GALNT13: variants seen among roughly 807,000 people sequenced by gnomAD.
The protein encoded by GALNT13 is polypeptide N-acetylgalactosaminyltransferase 13.
GALNT13 carries 28 observed loss-of-function variants against 64.2 expected under a neutral mutation model. The observed-to-expected ratio is 0.44, with a 90% CI of 0.32 to 0.60. The LOEUF is 0.60. Ranked by LOEUF, GALNT13 falls within the 20% of genes least tolerant of loss-of-function variation. The pLI, the probability that GALNT13 is intolerant of heterozygous loss-of-function variation, is 0.05. For missense variants in GALNT13, 577 were observed against 669.8 expected (o/e 0.86, Z 1.53); for synonymous variants, 214 against 224.6 (o/e 0.95, Z 0.42).
chr2:153,980,568 A>G (rs6761233), intron 3 of GALNT13, among the ~76,000 whole-genome samples: 59,322 of 151,986 alleles, frequency 0.39, 14,624 homozygotes, highest in Non-Finnish European at 0.55. Flanking sequence ...TTGCTAAGAA[A>G]ATGAGTTTAG....
chr2:154,007,245 G>T (rs1161764639), intron 3 of GALNT13, among the ~76,000 whole-genome samples: 5 of 149,240 alleles, frequency 3.4e-5, no homozygotes, highest in South Asian at 2.1e-4. Flanking sequence ...CAAGAAAACA[G>T]GGACTTCATT....
chr2:153,346,393 C>T, the GALNT13 span, among the ~76,000 whole-genome samples: 1 of 152,188 alleles, frequency 6.6e-6, no homozygotes, highest in Non-Finnish European at 1.5e-5. Flanking sequence ...GTCTTCTAAT[C>T]ATAGATAATG....
At chr2:153,082,624 C>T in the GALNT13 span, among the ~76,000 whole-genome samples, 511 of 28,310 alleles carry the variant, frequency 0.018, 7 homozygotes, top group African/African-American at 0.028. Flanking sequence ...TATATACACA[C>T]ACACACACAC....
the GALNT13 span, among the ~76,000 whole-genome samples, chr2:153,519,120 T>C: frequency 2.0e-5 from 3 of 152,208 alleles, no homozygotes; most frequent in Non-Finnish European, 4.4e-5. Context: ...GAAACCCCTT[T>C]AGCTTAACTT....
chr2:153,222,352 A>T, the GALNT13 span, among the ~76,000 whole-genome samples: 1 of 24,218 alleles, frequency 4.1e-5, no homozygotes, highest in Non-Finnish European at 7.6e-5. Context: ...GGTTGGGCTT[A>T]TAGGCTTAGA....
chr2:153,136,392 A>G, the GALNT13 span, among the ~76,000 whole-genome samples: 1 of 152,074 alleles, frequency 6.6e-6, no homozygotes, highest in Non-Finnish European at 1.5e-5. Context: ...CAATGAAGAT[A>G]CTGCCTTGTG....
At chr2:154,374,315 GT>G (rs1164790676) in intron 9 of GALNT13, among the ~76,000 whole-genome samples, 2 of 152,146 alleles carry the variant, frequency 1.3e-5, no homozygotes, top group African/African-American at 4.8e-5. Context: ...TGTGGTAGTT[GT>G]TGTTTTTCAA....
chr2:153,209,026 T>G, the GALNT13 span, among the ~76,000 whole-genome samples: 1 of 130,996 alleles, frequency 7.6e-6, no homozygotes, highest in Non-Finnish European at 1.6e-5. Flanking sequence ...TCACCCAGGC[T>G]GGAGTGCAGT....
chr2:154,358,381 A>C (rs1274015077), intron 9 of GALNT13, among the ~76,000 whole-genome samples: 1 of 152,074 alleles, frequency 6.6e-6, no homozygotes, highest in Non-Finnish European at 1.5e-5. Flanking sequence ...ACTCATACTA[A>C]ATGCTCTGGC....
intron 3 of GALNT13, among the ~76,000 whole-genome samples, chr2:153,984,394 A>G (rs549832030): frequency 6.6e-6 from 1 of 151,988 alleles, no homozygotes; most frequent in East Asian, 1.9e-4. Context: ...ACTGTAGTAT[A>G]CTAAAGGTAT....
At chr2:153,289,712 T>C in the GALNT13 span, among the ~76,000 whole-genome samples, 1 of 152,322 alleles carries the variant, frequency 6.6e-6, no homozygotes, top group African/African-American at 2.4e-5. Flanking sequence ...AGAGGTTACA[T>C]CTCAAGTAAC....
the GALNT13 span, among the ~76,000 whole-genome samples, chr2:153,307,060 A>G: frequency 1.3e-5 from 2 of 152,232 alleles, no homozygotes; most frequent in Non-Finnish European, 2.9e-5. Flanking sequence ...TTAGAAAGTC[A>G]TAGAAAGGTA....
chr2:153,828,250 T>C, the GALNT13 span, among the ~76,000 whole-genome samples: 12 of 152,204 alleles, frequency 7.9e-5, no homozygotes, highest in East Asian at 9.7e-4. Context: ...CTGTGCCCCA[T>C]AGGGACTCTG....
the GALNT13 span, among the ~76,000 whole-genome samples, chr2:153,798,079 G>A: frequency 6.6e-6 from 1 of 152,110 alleles, no homozygotes; most frequent in African/African-American, 2.4e-5. Flanking sequence ...GAATATTTGT[G>A]TGCATGCTGA....
the GALNT13 span, among the ~76,000 whole-genome samples, chr2:153,229,225 C>G: frequency 1.4e-3 from 219 of 152,260 alleles, 6 homozygotes; most frequent in East Asian, 0.038. Context: ...TGTCATCACT[C>G]TCTCACCTTT....
rs148883048 is a variant in GALNT13 at position 154,112,846 on chromosome 2, A to G, written c.143-27491A>G. Among the ~76,000 whole-genome samples the G allele has an allele frequency of 3.7e-3, 555 of 151,568 alleles. 2 individuals are homozygous for G. The highest frequency in any genetic ancestry group is 0.013 in the African/African-American group (532 of 40,896). On this transcript the variant is annotated intron_variant, in intron 3 of 12. Coordinates refer to ENST00000392825, the MANE Select transcript of GALNT13 (RefSeq NM_052917.4). ...CAACTGATCTTAGGGAACTTCCCAT[A>G]AGGCCACTGGTGCAGGCTTGGGGAG...
rs544049613 is a variant in GALNT13 at position 154,403,183 on chromosome 2, G to A, written c.1297-5801G>A. ...CCTTTCAGATTTTAGGCCAGGCATG[G>A]TGGTTTACGCCTGTAACCTAGCACT... On this transcript the variant is annotated intron_variant, in intron 10 of 12. Coordinates refer to ENST00000392825, the MANE Select transcript of GALNT13 (RefSeq NM_052917.4). Among the ~76,000 whole-genome samples, 10 of 152,242 alleles carry A rather than the reference G, an allele frequency of 6.6e-5. No individual in the cohort carries two copies. In the South Asian group the frequency reaches 2.1e-3, roughly 32 times the overall value.
intron 4 of GALNT13, among the ~76,000 whole-genome samples, chr2:154,151,525 T>G (rs561918954): frequency 2.4e-4 from 36 of 152,234 alleles, no homozygotes; most frequent in African/African-American, 8.4e-4. Flanking sequence ...ATGTTGACAG[T>G]GGGGTGTTAA....
chr2:153,612,666 G>A, the GALNT13 span, among the ~76,000 whole-genome samples: 9 of 151,564 alleles, frequency 5.9e-5, no homozygotes, highest in Admixed American at 5.9e-4. Context: ...ACAGGAAAAT[G>A]TATAAGTGGT....
Sources: allele counts gnomAD v4.1 joint callset (sites outside exome capture counted in the v4.1 genomes callset), GRCh38; gene constraint gnomAD v4.1.1; transcripts MANE v1.5; gene names NCBI Gene and HGNC (gene_info 2026-07-23, HGNC 2026-07-21).